The following KLRG1 variants were observed in gnomAD, a reference collection of about 807,000 sequenced individuals.
KLRG1 encodes killer cell lectin-like receptor subfamily G member 1.
A neutral mutation model predicts 21.8 loss-of-function variants in KLRG1; 16 were observed. That is an observed-to-expected ratio of 0.73 (90% CI 0.50 to 1.11). The LOEUF (loss-of-function observed/expected upper bound fraction) is 1.11, where lower values mean the gene tolerates loss of function less well. Among genes scored for constraint, KLRG1 ranks in the 50% most tolerant of loss-of-function variants. The pLI, the probability that KLRG1 is intolerant of heterozygous loss-of-function variation, is 0.00. For synonymous variants in KLRG1, 69 were observed against 75.9 expected (o/e 0.91, Z 0.47); for missense variants, 173 against 218.3 (o/e 0.79, Z 1.31).
the KLRG1 span, among the ~76,000 whole-genome samples, chr12:9,045,652 T>G: frequency 6.6e-6 from 1 of 152,122 alleles, no homozygotes; most frequent in African/African-American, 2.4e-5. Context: ...ATGGGAAATA[T>G]CAGCAGAGAG....
At chr12:9,109,691 G>A in the KLRG1 span, among the ~76,000 whole-genome samples, 8 of 152,172 alleles carry the variant, frequency 5.3e-5, no homozygotes, top group Admixed American at 3.3e-4. Flanking sequence ...ACGAAGCTAT[G>A]TGAAGTCCTA....
chr12:9,138,240 G>C, the KLRG1 span, among the ~76,000 whole-genome samples: 1 of 151,762 alleles, frequency 6.6e-6, no homozygotes, highest in Non-Finnish European at 1.5e-5. Flanking sequence ...GTTGAATTTT[G>C]TCAAATGCTT....
At chr12:9,116,301 C>G in the KLRG1 span, 1 of 224,272 alleles carries the variant, frequency 4.5e-6, no homozygotes, top group Non-Finnish European at 9.1e-6. Context: ...CACTACAAGT[C>G]AGTGTGGCTG....
the KLRG1 span, among the ~76,000 whole-genome samples, chr12:9,193,131 A>G: frequency 5.9e-5 from 9 of 152,208 alleles, no homozygotes. Flanking sequence ...TTACCTTATG[A>G]GCTTCAAAAT....
chr12:9,173,797 A>T, the KLRG1 span, among the ~76,000 whole-genome samples: 3 of 152,228 alleles, frequency 2.0e-5, no homozygotes, highest in Non-Finnish European at 4.4e-5. Context: ...GAATATTTGA[A>T]TAGACCAATA....
chr12:9,059,558 C>A, the KLRG1 span, among the ~76,000 whole-genome samples: 8 of 152,314 alleles, frequency 5.3e-5, no homozygotes, highest in African/African-American at 1.7e-4. Flanking sequence ...GATTAGACAG[C>A]TCCCTGTGTA....
At chr12:9,056,562 GGGGTGTGTGTGTGT>G in the KLRG1 span, among the ~76,000 whole-genome samples, 1 of 44,176 alleles carries the variant, frequency 2.3e-5, no homozygotes, top group African/African-American at 1.4e-4. Flanking sequence ...TTTTACTTGG[GGGGTGTGTGTGTGT>G]GTGTGTGTGT....
chr12:9,197,178 A>G, the KLRG1 span: 1 of 1,163,570 alleles, frequency 8.6e-7, no homozygotes, highest in East Asian at 2.4e-5. Context: ...ATTTTCCACT[A>G]CCACTCCTCC....
the KLRG1 span, chr12:9,091,413 C>G: frequency 2.5e-6 from 4 of 1,614,170 alleles, no homozygotes; most frequent in Non-Finnish European, 3.4e-6. Context: ...ACTCCTACCT[C>G]AGCCACACCT....
chr12:8,957,182 T>A (rs1946309381), intron 1 of KLRG1, among the ~76,000 whole-genome samples: 1 of 152,240 alleles, frequency 6.6e-6, no homozygotes, highest in African/African-American at 2.4e-5. Context: ...AGGTTTTGTT[T>A]TGTGTTTTGG....
upstream of KLRG1, chr12:8,987,137 CTTAA>C (rs751887643): frequency 1.3e-5 from 2 of 152,052 alleles, no homozygotes; most frequent in Non-Finnish European, 2.9e-5. Flanking sequence ...AAAAAATGAT[CTTAA>C]TTATTTTAAA....
At chr12:9,074,884 T>G in the KLRG1 span, 1 of 1,211,844 alleles carries the variant, frequency 8.3e-7, no homozygotes, top group Non-Finnish European at 1.2e-6. Context: ...TGCATGCCCA[T>G]TATAATCCCC....
At chr12:9,206,064 G>T in the KLRG1 span, among the ~76,000 whole-genome samples, 2 of 152,154 alleles carry the variant, frequency 1.3e-5, no homozygotes, top group African/African-American at 4.8e-5. Flanking sequence ...GCTGAGGGCA[G>T]TTCAGTAACT....
At chr12:9,094,987 CG>C in the KLRG1 span, 2 of 1,562,758 alleles carry the variant, frequency 1.3e-6, no homozygotes, top group Non-Finnish European at 1.7e-6. Context: ...AAAACCTACA[CG>C]TAGACCTTCA....
chr12:9,036,795 G>A, the KLRG1 span: 4 of 409,540 alleles, frequency 9.8e-6, no homozygotes, highest in South Asian at 4.4e-5. Flanking sequence ...TGCAATCTAT[G>A]CTTCAGCTGT....
chr12:9,158,752 C>CTTTTTTTTTTTTTTTTTTTTTTTTTTTTT, the KLRG1 span, among the ~76,000 whole-genome samples: 2 of 97,818 alleles, frequency 2.0e-5, no homozygotes, highest in Non-Finnish European at 3.9e-5. Flanking sequence ...TTTTTCTTTT[C>CTTTTTTTTTTTTTTTTTTTTTTTTTTTTT]TTTTCTTTTT....
the KLRG1 span, chr12:9,157,676 G>T: frequency 1.7e-6 from 2 of 1,172,056 alleles, no homozygotes; most frequent in Non-Finnish European, 2.5e-6. Flanking sequence ...TGAACCAAAA[G>T]ATACTTGAGA....
At chr12:9,159,159 C>T in the KLRG1 span, among the ~76,000 whole-genome samples, 1 of 152,056 alleles carries the variant, frequency 6.6e-6, no homozygotes. Flanking sequence ...TTTTCTAACA[C>T]CTCTTAGGGC....
chr12:9,109,384 T>G, the KLRG1 span: 3 of 1,613,256 alleles, frequency 1.9e-6, no homozygotes, highest in Non-Finnish European at 2.5e-6. Flanking sequence ...CACTGTTACT[T>G]GTACTTCAAA....
Sources: gnomAD v4.1 joint callset for allele counts (sites outside exome capture counted in the v4.1 genomes callset) on GRCh38, gnomAD v4.1.1 for gene constraint, MANE v1.5 for transcripts, NCBI Gene and HGNC (gene_info 2026-07-23, HGNC 2026-07-21) for gene names.